Variants in KCNJ1 observed in about 807,000 individuals in gnomAD.
KCNJ1 encodes the protein ATP-sensitive inward rectifier potassium channel 1.
KCNJ1 carries 24 observed loss-of-function variants against 21.9 expected under a neutral mutation model. The observed-to-expected ratio is 1.10, with a 90% CI of 0.79 to 1.54. The LOEUF is 1.54. Ranked by LOEUF, KCNJ1 falls within the 40% of genes most tolerant of loss-of-function variation. KCNJ1 has a pLI of 0.00. For missense variants in KCNJ1, 457 were observed against 455.4 expected (o/e 1.00, Z -0.03); for synonymous variants, 152 against 160.9 (o/e 0.94, Z 0.42).
At chr11:128,859,657 T>TG (rs543097935) in intron 1 of KCNJ1, among the ~76,000 whole-genome samples, 132 of 152,204 alleles carry the variant, frequency 8.7e-4, no homozygotes, top group Admixed American at 2.4e-3. Flanking sequence ...AAGGAAGGTC[T>TG]GGGGGAAAGG....
At chr11:128,840,349 G>A (rs1029476465) in intron 2 of KCNJ1, 85 bp from the exon 3 acceptor site, 5 of 1,281,648 alleles carry the variant, frequency 3.9e-6, no homozygotes, top group Non-Finnish European at 5.6e-6. Context: ...ACCTAACTAC[G>A]AAAAGATCAT....
Position 128,866,249 on chromosome 11 carries a change from G to A in KCNJ1, c.-192+924C>T, listed in dbSNP as rs117620120. On this transcript the variant is annotated intron_variant, in intron 1 of 2. Coordinates refer to ENST00000392666, the MANE Select transcript of KCNJ1 (RefSeq NM_153766.3). Reference sequence around the variant, plus strand: ...AACTGCCCTCCAGCCCCAGGGCTACGGAATGGCCCAGGGAAGGCAGCGTGC... The same window carrying A: ...AACTGCCCTCCAGCCCCAGGGCTACAGAATGGCCCAGGGAAGGCAGCGTGC... Among the ~76,000 whole-genome samples, 93 of 152,258 alleles carry A rather than the reference G, an allele frequency of 6.1e-4. 2 individuals carry two copies. The East Asian group carries it at 0.017, about 28-fold the overall frequency.
At chr11:128,849,486 A>T (rs1318411272) in intron 2 of KCNJ1, among the ~76,000 whole-genome samples, 2 of 152,198 alleles carry the variant, frequency 1.3e-5, no homozygotes, top group South Asian at 2.1e-4. Flanking sequence ...GTTTTGCAGC[A>T]TCTACAAAAG....
intron 2 of KCNJ1, among the ~76,000 whole-genome samples, chr11:128,841,000 C>T (rs1943273128): frequency 1.3e-5 from 2 of 152,190 alleles, no homozygotes; most frequent in Admixed American, 1.3e-4. Context: ...AGTCACACTT[C>T]CCTAAAATAT....
intron 1 of KCNJ1, among the ~76,000 whole-genome samples, chr11:128,860,425 T>G (rs1943684231): frequency 6.6e-6 from 1 of 152,202 alleles, no homozygotes; most frequent in Admixed American, 6.5e-5. Flanking sequence ...CTGTGTGAAA[T>G]GCATACATGA....
At chr11:128,844,157 C>T (rs982857096) in intron 2 of KCNJ1, among the ~76,000 whole-genome samples, 2 of 152,194 alleles carry the variant, frequency 1.3e-5, no homozygotes, top group African/African-American at 4.8e-5. Context: ...TCTGGTGGCT[C>T]CCACTCTAAT....
rs529112321 is a variant in KCNJ1 at position 128,860,006 on chromosome 11, C to A, written c.-192+7167G>T. Among the ~76,000 whole-genome samples the A allele has an allele frequency of 3.0e-4, 45 of 151,930 alleles. 1 individual carries two copies. In the East Asian group the frequency reaches 5.3e-3, roughly 18 times the overall value. On this transcript the variant is annotated intron_variant, in intron 1 of 2. Transcript: ENST00000392666. ...CCACACTCGCCTCCGCCGGGCCTCC[C>A]GCTTACCAGCAGCAGCAGCGCCCCC... is the stretch of plus-strand genomic sequence containing the variant.
At chr11:128,855,486 G>C (rs1057141882) in intron 1 of KCNJ1, among the ~76,000 whole-genome samples, 1 of 152,220 alleles carries the variant, frequency 6.6e-6, no homozygotes, top group African/African-American at 2.4e-5. Flanking sequence ...TCAGCATTAA[G>C]ATTGAAGACA....
At chr11:128,860,400 A>C (rs536149911) in intron 1 of KCNJ1, among the ~76,000 whole-genome samples, 2 of 152,340 alleles carry the variant, frequency 1.3e-5, no homozygotes, top group Non-Finnish European at 2.9e-5. Context: ...AGTGCGTGAC[A>C]CTGCACAGGT....
chr11:128,840,304 T>C (rs904558366), intron 2 of KCNJ1, 40 bp from the exon 3 acceptor site: 3 of 1,598,410 alleles, frequency 1.9e-6, no homozygotes, highest in Middle Eastern at 1.7e-4. Flanking sequence ...GGATTATGTT[T>C]ATAGCAATAG....
At chr11:128,851,239 C>T (rs1943473856) in intron 1 of KCNJ1, among the ~76,000 whole-genome samples, 1 of 152,192 alleles carries the variant, frequency 6.6e-6, no homozygotes. Flanking sequence ...TCATTGTACA[C>T]ATCTAGATAT....
intron 1 of KCNJ1, among the ~76,000 whole-genome samples, chr11:128,864,173 G>A (rs1448823374): frequency 1.6e-5 from 2 of 124,620 alleles, no homozygotes; most frequent in African/African-American, 3.1e-5. Flanking sequence ...TGCAACCTCC[G>A]CCTCCCGGGT....
Position 128,839,085 on chromosome 11 carries a change from G to A in KCNJ1, c.*40C>T. 1 of 1,575,946 alleles carries A rather than the reference G, an allele frequency of 6.3e-7. No individual in the cohort carries two copies. The highest frequency in any genetic ancestry group is 8.7e-7 in the Non-Finnish European group (1 of 1,150,910). ...TTCATAATGCTTCTAGGTACTAGGAGCTTTAGAGACTTTGCTTTACTCCCG... is the reference window on the plus strand; with the variant it reads ...TTCATAATGCTTCTAGGTACTAGGAACTTTAGAGACTTTGCTTTACTCCCG... On this transcript the variant is annotated 3_prime_UTR_variant, in exon 3 of 3. Transcript: ENST00000392666.
At chr11:128,846,287 C>T (rs1027547558) in intron 2 of KCNJ1, among the ~76,000 whole-genome samples, 3 of 152,168 alleles carry the variant, frequency 2.0e-5, no homozygotes, top group Non-Finnish European at 4.4e-5. Flanking sequence ...TACTCTCAAA[C>T]ATTGTTGTAT....
chr11:128,848,287 CAAAAAAAAAAA>C (rs1002326097), intron 2 of KCNJ1, among the ~76,000 whole-genome samples: 1 of 48,894 alleles, frequency 2.0e-5, no homozygotes, highest in Non-Finnish European at 4.2e-5. Flanking sequence ...GACTCCGTCT[CAAAAAAAAAAA>C]AAAAAAAAAA....
rs1012183969 is a variant in KCNJ1, at chr11:128,860,617, T to C, written c.-192+6556A>G. On this transcript the variant is annotated intron_variant, in intron 1 of 2. Transcript: ENST00000392666. The stretch of plus-strand genomic sequence containing the variant: ...CCACTGCCACCTCACGGGTGGGCCT[T>C]GTAACCCACATCAGCTGGACCAAGG... Among the ~76,000 whole-genome samples, 4 of 152,184 alleles carry C rather than the reference T, an allele frequency of 2.6e-5. No individual in the cohort carries two copies. The South Asian group carries it at 6.2e-4, about 24-fold the overall frequency.
rs1943211383 is a variant in KCNJ1 at position 128,838,695 on chromosome 11, A to C, written c.*430T>G. ...TTCCATGAGTAAAAGTCCACATTAA[A>C]AGTGGAGTCATTCTTATCAGTAGAA... On this transcript the variant is annotated 3_prime_UTR_variant, in exon 3 of 3. Coordinates refer to ENST00000392666, the MANE Select transcript of KCNJ1 (RefSeq NM_153766.3). The C allele has an allele frequency of 6.0e-6, 1 of 167,850 alleles. No individual in the cohort carries two copies. The highest frequency in any genetic ancestry group is 1.3e-5 in the Non-Finnish European group (1 of 77,674). The allele number at this position is 167,850 out of a possible 1,614,324, so 10.4% of individuals were successfully genotyped here. A position where few individuals can be genotyped will look rare whatever the true frequency, so the allele number is the denominator to read the frequency against.
rs1851984622 is a variant in KCNJ1, at chr11:128,839,492, T to C, written c.752A>G (p.His251Arg). The C allele has an allele frequency of 6.2e-7, 1 of 1,614,120 alleles. No individual in the cohort carries two copies. Among genetic ancestry groups the C allele is most frequent in the Non-Finnish European group, 8.5e-7 (1 of 1,179,980 alleles). Reference sequence around the variant, plus strand: ...GAAAGGGCTGTTGTGATCAATGACATGGTAAATTGTCAATGGGGAGATGAA... The same window carrying C: ...GAAAGGGCTGTTGTGATCAATGACACGGTAAATTGTCAATGGGGAGATGAA... The part of the protein sequence containing the change: ...LFFISPLTIY[H>R]VIDHNSPFFH... Residue 251 changes from histidine (H) to arginine (R), a missense_variant, in exon 3 of 3, where the codon CAT (histidine) becomes CGT (arginine). Physicochemically the swap from His to Arg is conservative, Grantham distance 29 (BLOSUM62 0). Coordinates refer to ENST00000392666, the MANE Select transcript of KCNJ1 (RefSeq NM_153766.3).
At chr11:128,842,504 C>T (rs563887456) in intron 2 of KCNJ1, 44 of 1,607,268 alleles carry the variant, frequency 2.7e-5, no homozygotes, top group South Asian at 1.1e-4. Flanking sequence ...TTATTGTAGG[C>T]GACAGTCAGT....
Sources: allele counts gnomAD v4.1 joint callset (sites outside exome capture counted in the v4.1 genomes callset), GRCh38; gene constraint gnomAD v4.1.1; transcripts MANE v1.5; gene names NCBI Gene and HGNC (gene_info 2026-07-23, HGNC 2026-07-21).